Variants in SCNN1G observed in about 807,000 individuals in gnomAD.
The protein encoded by SCNN1G is epithelial sodium channel subunit gamma.
In SCNN1G, 27 loss-of-function variants were observed where a neutral mutation model predicts 64.6. That is an observed-to-expected ratio of 0.42 (90% confidence interval 0.31 to 0.58). The LOEUF is 0.58. SCNN1G is among the 20% of genes least tolerant of loss of function. The probability of loss-of-function intolerance (pLI) is 0.18; values close to 1 mark genes in which losing one functional copy is unlikely to be tolerated. For missense variants in SCNN1G, 743 were observed against 823.4 expected (o/e 0.90, Z 1.19); for synonymous variants, 330 against 314.2 (o/e 1.05, Z -0.53).
intron 11 of SCNN1G, among the ~76,000 whole-genome samples, chr16:23,213,585 C>T (rs1245180385): frequency 6.6e-6 from 1 of 152,174 alleles, no homozygotes; most frequent in African/African-American, 2.4e-5. Context: ...TCATTCATTT[C>T]CTCAAAGCTG....
rs180948608 is a variant in SCNN1G at position 23,193,725 on chromosome 16, G to A, written c.810-446G>A. Among the ~76,000 whole-genome samples the A allele has an allele frequency of 3.3e-5, 5 of 152,302 alleles. No individual in the cohort carries two copies. The East Asian group carries it at 7.7e-4, about 23-fold the overall frequency. ...ACCTATCTGTATATGTTAGCAGACA[G>A]ATTGGTTCTTGTGAAAAGTAAATAA... On this transcript the variant is annotated intron_variant, in intron 4 of 12. Coordinates refer to ENST00000300061, the MANE Select transcript of SCNN1G (RefSeq NM_001039.4).
chr16:23,196,387 G>C (rs964204576), intron 5 of SCNN1G: 3 of 151,978 alleles, frequency 2.0e-5, no homozygotes, highest in African/African-American at 7.3e-5. Flanking sequence ...AAGTAGGCAG[G>C]GCTGTATCAT....
intron 6 of SCNN1G, among the ~76,000 whole-genome samples, chr16:23,197,836 C>T (rs542239573): frequency 4.0e-5 from 6 of 151,056 alleles, no homozygotes; most frequent in African/African-American, 7.3e-5. Context: ...GCCGAGATCA[C>T]GCCACTGCAC....
Position 23,215,231 on chromosome 16 carries a change from A to T in SCNN1G, c.1712A>T (p.Glu571Val). Residue 571 changes from glutamate to valine, a missense_variant, in exon 13 of 13, where the codon GAG (glutamate) becomes GTG (valine). Coordinates refer to ENST00000300061, the MANE Select transcript of SCNN1G (RefSeq NM_001039.4). ...CGCCGCCAGTGGCAGAAAGCCAAGG[A>T]GTGGTGGGCCTGGAAACAGGCTCCC... The part of the protein sequence containing the change: ...IARRQWQKAK[E>V]WWAWKQAPPC... 2 of 1,614,124 alleles carry T rather than the reference A, an allele frequency of 1.2e-6. No homozygotes were observed. Among genetic ancestry groups the T allele is most frequent in the Non-Finnish European group, 1.7e-6 (2 of 1,180,024 alleles).
At chr16:23,210,486 G>A (rs114961731) in intron 7 of SCNN1G, among the ~76,000 whole-genome samples, 19 of 152,266 alleles carry the variant, frequency 1.2e-4, no homozygotes, top group African/African-American at 4.6e-4. Flanking sequence ...GGCTCCCACA[G>A]TTTTCACTAC....
chr16:23,186,324 C>T lies in SCNN1G; in HGVS notation c.53C>T (p.Thr18Met), dbSNP rs1959604856. 6.2e-7 allele frequency: 1 copy of T among 1,614,248 alleles called. No individual in the cohort carries two copies. The highest frequency in any genetic ancestry group is 8.5e-7 in the Non-Finnish European group (1 of 1,180,036). Reference sequence around the variant, plus strand: ...AAAATCAAGAAGAATCTGCCCGTGACGGGCCCTCAGGCGCCGACCATTAAA... The same window carrying T: ...AAAATCAAGAAGAATCTGCCCGTGATGGGCCCTCAGGCGCCGACCATTAAA... ...KAKIKKNLPV[T>M]GPQAPTIKEL... is the part of the protein sequence containing the mutation. Residue 18 changes from threonine to methionine, a missense_variant, in exon 2 of 13, where the codon ACG becomes ATG. Transcript: ENST00000300061.
intron 6 of SCNN1G, among the ~76,000 whole-genome samples, chr16:23,198,414 T>C (rs1229088483): frequency 6.6e-6 from 1 of 152,098 alleles, no homozygotes; most frequent in Admixed American, 6.6e-5. Context: ...TCTCCCTTTC[T>C]CTCTTTCATA....
chr16:23,204,811 C>A lies in SCNN1G; in HGVS notation c.1078-4939C>A, dbSNP rs911377308. Among the ~76,000 whole-genome samples the A allele has an allele frequency of 4.9e-4, 75 of 151,972 alleles. 1 individual carries two copies. The highest frequency in any genetic ancestry group is 1.8e-3 in the African/African-American group (74 of 41,420). ...TATTATTTCATGTAATATTCTAAAC[C>A]ATCAGAATTTTTTTCACCGGGTACA... On this transcript the variant is annotated intron_variant, in intron 6 of 12. Transcript: ENST00000300061.
In SCNN1G at chr16:23,194,180, G is replaced by C. The variant is rs201341816; in HGVS notation, c.819G>C (p.Thr273=). ...TTTTCTTCCTCCATAGGAATTTCAC[G>C]CTTTTCCACCACCCGATGCATGGGA... ...DGVSCDARNF[T]LFHHPMHGNC... is the part of the protein sequence containing the mutation. Residue 273 remains threonine (T), a synonymous_variant, in exon 5 of 13, where the codon ACG becomes ACC. Transcript: ENST00000300061. 3 of 1,612,874 alleles carry C rather than the reference G, an allele frequency of 1.9e-6. No homozygotes were observed. Among genetic ancestry groups the C allele is most frequent in the East Asian group, 2.2e-5 (1 of 44,880 alleles).
chr16:23,186,250 T>C lies in SCNN1G; in HGVS notation c.-22T>C. The stretch of plus-strand genomic sequence containing the variant: ...CAGCACGCCCGTCCTCAGAGTCCCG[T>C]CCTCAAAGTCCCATCCTCGCCATGG... On this transcript the variant is annotated 5_prime_UTR_variant, in exon 2 of 13. Transcript: ENST00000300061. 1.9e-6 allele frequency: 3 copies of C among 1,613,792 alleles called. No individual in the cohort carries two copies. The highest frequency in any genetic ancestry group is 2.5e-6 in the Non-Finnish European group (3 of 1,179,734).
intron 6 of SCNN1G, among the ~76,000 whole-genome samples, chr16:23,202,015 C>T (rs892738485): frequency 6.6e-6 from 1 of 152,114 alleles, no homozygotes; most frequent in African/African-American, 2.4e-5. Flanking sequence ...GGGGGTCTCG[C>T]TATGTTGCTC....
Position 23,215,875 on chromosome 16 carries a change from A to G in SCNN1G, c.*406A>G, listed in dbSNP as rs1960153048. 3.5e-6 allele frequency: 1 copy of G among 283,812 alleles called. No individual in the cohort carries two copies. The highest frequency in any genetic ancestry group is 4.1e-5 in the South Asian group (1 of 24,492). 17.6% of individuals were successfully genotyped at this position (283,812 alleles called of 1,614,324 possible). On this transcript the variant is annotated 3_prime_UTR_variant, in exon 13 of 13. Coordinates refer to ENST00000300061, the MANE Select transcript of SCNN1G (RefSeq NM_001039.4). ...ACACTGCCAGCCTGGGTTGGGGCCC[A>G]AGGATGTGACCTTGAGTGTCAAGGC...
At chr16:23,202,270 GGA>G (rs1959902936) in intron 6 of SCNN1G, among the ~76,000 whole-genome samples, 4 of 148,760 alleles carry the variant, frequency 2.7e-5, no homozygotes, top group Non-Finnish European at 4.5e-5. Context: ...GTGGGTGGAT[GGA>G]TGGATGGATG....
intron 2 of SCNN1G, among the ~76,000 whole-genome samples, chr16:23,187,334 C>T (rs1045484559): frequency 6.6e-6 from 1 of 152,076 alleles, no homozygotes; most frequent in Non-Finnish European, 1.5e-5. Flanking sequence ...GTCTCAAACT[C>T]CTGAGCTCAA....
intron 5 of SCNN1G, 54 bp from the exon 6 acceptor site, chr16:23,197,210 C>T (rs1024725654): frequency 5.3e-6 from 8 of 1,500,288 alleles, no homozygotes; most frequent in Admixed American, 1.7e-5. Context: ...GTGGTTTACC[C>T]CCAGGAAATG....
intron 7 of SCNN1G, among the ~76,000 whole-genome samples, chr16:23,210,818 G>C (rs1421968535): frequency 1.3e-5 from 2 of 152,032 alleles, no homozygotes; most frequent in African/African-American, 4.8e-5. Flanking sequence ...GATCACTTGA[G>C]CCCAGGAGTT....
In SCNN1G at chr16:23,197,376, T is replaced by C; in HGVS notation, c.1026T>C (p.Asp342=). ...AGGATGAGTATCCCTTCGTCGAAGA[T>C]GTGGGAACAGAGATTGAGACAGCAA... is the stretch of plus-strand genomic sequence containing the variant. The part of the protein sequence containing the change: ...HRQDEYPFVE[D]VGTEIETAMV... The change falls in exon 6 of 13, where the codon GAT becomes GAC. Residue 342 remains aspartate (D), a synonymous_variant. Coordinates refer to ENST00000300061, the MANE Select transcript of SCNN1G (RefSeq NM_001039.4). The C allele has an allele frequency of 3.7e-6, 6 of 1,614,110 alleles. No individual in the cohort carries two copies. The highest frequency in any genetic ancestry group is 5.1e-6 in the Non-Finnish European group (6 of 1,179,970).
intron 6 of SCNN1G, among the ~76,000 whole-genome samples, chr16:23,204,332 TATAGAGAGAG>T (rs1230138386): frequency 2.8e-4 from 7 of 25,142 alleles, no homozygotes; most frequent in Non-Finnish European, 4.2e-4. Context: ...TATATATATA[TATAGAGAGAG>T]AGAGAGAGAG....
At chr16:23,194,805 G>A (rs1057032892) in intron 5 of SCNN1G, 2 of 175,364 alleles carry the variant, frequency 1.1e-5, no homozygotes, top group Non-Finnish European at 2.5e-5. Context: ...TACAGACTTA[G>A]AATAAGACCT....
Sources: gnomAD v4.1 joint callset for allele counts (sites outside exome capture counted in the v4.1 genomes callset) on GRCh38, gnomAD v4.1.1 for gene constraint, MANE v1.5 for transcripts, NCBI Gene and HGNC (gene_info 2026-07-23, HGNC 2026-07-21) for gene names.